Variants in KCNQ2 observed in about 807,000 individuals in gnomAD.
KCNQ2 encodes the protein potassium voltage-gated channel subfamily KQT member 2.
In KCNQ2, 14 loss-of-function variants were observed where a neutral mutation model predicts 84.8. The ratio of observed to expected loss-of-function variants is 0.17; its 90% CI spans 0.11 to 0.26. The LOEUF is 0.26. Among genes scored for constraint, KCNQ2 ranks in the 10% least tolerant of loss-of-function variants. KCNQ2 has a pLI of 1.00. For missense variants in KCNQ2, 788 were observed against 1,254.0 expected (o/e 0.63, Z 5.61); for synonymous variants, 599 against 554.1 (o/e 1.08, Z -1.14).
At chr20:63,423,780 T>G in intron 11 of KCNQ2, 1 of 252,546 alleles carries the variant, frequency 4.0e-6, no homozygotes, top group Non-Finnish European at 7.7e-6. Flanking sequence ...ACTTGGAGCT[T>G]TCACCCCAGC....
intron 1 of KCNQ2, chr20:63,447,282 C>A (rs2081459222): frequency 4.8e-6 from 1 of 208,930 alleles, no homozygotes; most frequent in Non-Finnish European, 9.8e-6. Flanking sequence ...CTTCCCCTCT[C>A]CTCACTCTCG....
intron 1 of KCNQ2, among the ~76,000 whole-genome samples, chr20:63,456,552 TCAGA>T (rs1438098612): frequency 6.6e-6 from 1 of 152,088 alleles, no homozygotes; most frequent in Non-Finnish European, 1.5e-5. Flanking sequence ...AGCCCCTGCC[TCAGA>T]CAGAGCCAGG....
intron 12 of KCNQ2, among the ~76,000 whole-genome samples, chr20:63,416,479 T>C (rs1358775724): frequency 6.6e-6 from 1 of 152,114 alleles, no homozygotes; most frequent in East Asian, 1.9e-4. Context: ...TTGAGGACAG[T>C]GGGGCTCTCA....
At chr20:63,411,272 C>T (rs1229122780) in intron 15 of KCNQ2, among the ~76,000 whole-genome samples, 1 of 152,214 alleles carries the variant, frequency 6.6e-6, no homozygotes, top group Non-Finnish European at 1.5e-5. Flanking sequence ...GATGCGGCTC[C>T]ACCTGCTCGG....
At position 63,408,253 on chromosome 20, in the gene KCNQ2, G is replaced by A; in HGVS notation, c.1887+160C>T. ...TGGGAGGCTCACGGTGGGGTGTGAG[G>A]GGTCTGCACAGAGCAGCTGTCAGTG... On this transcript the variant is annotated intron_variant, in intron 16 of 16. Transcript: ENST00000359125. The surrounding 1 kb of genome is among the most constrained non-coding windows in gnomAD (Gnocchi z 5.0). 1.1e-6 allele frequency: 1 copy of A among 913,662 alleles called. No individual in the cohort carries two copies. The highest frequency in any genetic ancestry group is 2.7e-5 in the East Asian group (1 of 37,086). 56.6% of individuals were successfully genotyped at this position (913,662 alleles called of 1,614,324 possible).
intron 10 of KCNQ2, among the ~76,000 whole-genome samples, chr20:63,427,895 G>A (rs2080678639): frequency 1.3e-5 from 2 of 152,194 alleles, no homozygotes; most frequent in African/African-American, 4.8e-5. Flanking sequence ...GGGCAGGCCT[G>A]GCAGGTGCAT....
At chr20:63,435,848 C>G (rs906330467) in intron 7 of KCNQ2, among the ~76,000 whole-genome samples, 8 of 151,906 alleles carry the variant, frequency 5.3e-5, no homozygotes, top group African/African-American at 1.9e-4. Context: ...CTTCCCTGCC[C>G]CTCCCTCTCC....
At position 63,438,586 on chromosome 20, in the gene KCNQ2, C is replaced by T. The variant is rs1466137826; in HGVS notation, c.1023+39G>A. 6.4e-7 allele frequency: 1 copy of T among 1,570,304 alleles called. No homozygotes were observed. Among genetic ancestry groups the T allele is most frequent in the East Asian group, 2.2e-5 (1 of 44,706 alleles). ...ACTCCTCAACAAGGTGGGACCAGGA[C>T]AAGGGCTGTGCTGGTCCCCGGGGGA... On this transcript the variant is annotated intron_variant, in intron 7 of 16. Transcript: ENST00000359125. The surrounding 1 kb of genome is among the most constrained non-coding windows in gnomAD (Gnocchi z 5.1).
chr20:63,446,311 C>G lies in KCNQ2; in HGVS notation c.387+436G>C. 3.7e-6 allele frequency: 1 copy of G among 269,994 alleles called. No homozygotes were observed. The highest frequency in any genetic ancestry group is 4.2e-5 in the South Asian group (1 of 23,922). The allele number at this position is 269,994 out of a possible 1,614,324, so 16.7% of individuals were successfully genotyped here. A position where few individuals can be genotyped will look rare whatever the true frequency, so the allele number is the denominator to read the frequency against. On this transcript the variant is annotated intron_variant, in intron 2 of 16. Transcript: ENST00000359125. The surrounding 1 kb of genome is among the most constrained non-coding windows in gnomAD (Gnocchi z 5.5). ...CCCCACCCCGTTACCAACAGCAACA[C>G]AGGAACTGCACTCCCGTTGCCATGG...
rs557549167 is a variant in KCNQ2, at chr20:63,408,689, C to T, written c.1764-153G>A. Among the ~76,000 whole-genome samples, 23 of 152,316 alleles carry T rather than the reference C, an allele frequency of 1.5e-4. No individual in the cohort carries two copies. The highest frequency in any genetic ancestry group is 5.5e-4 in the African/African-American group (23 of 41,562). Reference sequence around the variant, plus strand: ...GGCAGTGGGTGCCAGGACAGATGGACGGGGTGCGCCCCGTTCTCAGCCCGT... The same window carrying T: ...GGCAGTGGGTGCCAGGACAGATGGATGGGGTGCGCCCCGTTCTCAGCCCGT... On this transcript the variant is annotated intron_variant, in intron 15 of 16. Transcript: ENST00000359125. This position sits in a 1 kb window ranked among gnomAD's most constrained non-coding sequence, Gnocchi z 5.0.
chr20:63,415,267 G>A (rs969739623), intron 12 of KCNQ2, 141 bp from the exon 13 acceptor site: 19 of 783,636 alleles, frequency 2.4e-5, no homozygotes, highest in African/African-American at 1.5e-4. Context: ...CCAGCCACAC[G>A]GGTGGCTCAG....
rs773433015 is a variant in KCNQ2, at chr20:63,406,641, G to A, written c.*3C>T. 9.4e-6 allele frequency: 15 copies of A among 1,587,606 alleles called. No homozygotes were observed. The highest frequency in any genetic ancestry group is 8.6e-5 in the Admixed American group (5 of 58,450). ...CGGGCGGGTCCACTGGCCCAGCGCC[G>A]CCTCACTTCCTGGGCCCGGCCCAGC... On this transcript the variant is annotated 3_prime_UTR_variant, in exon 17 of 17. Coordinates refer to ENST00000359125, the MANE Select transcript of KCNQ2 (RefSeq NM_172107.4).
intron 4 of KCNQ2, 115 bp from the exon 5 acceptor site, chr20:63,442,646 ACC>A: frequency 1.2e-6 from 1 of 818,710 alleles, no homozygotes; most frequent in Non-Finnish European, 1.9e-6. Context: ...CACCACCAAA[ACC>A]ATCACCACCA....
chr20:63,432,700 TCTGGGAAGGCCCCACCCTCA>T (rs2080856618), intron 8 of KCNQ2, among the ~76,000 whole-genome samples: 2 of 108,474 alleles, frequency 1.8e-5, no homozygotes, highest in African/African-American at 3.4e-5. Flanking sequence ...GGCCCCACCC[TCTGGGAAGGCCCCACCCTCA>T]GGGAAGGCTC....
intron 1 of KCNQ2, among the ~76,000 whole-genome samples, chr20:63,466,250 C>G (rs886167240): frequency 5.3e-5 from 8 of 152,124 alleles, no homozygotes; most frequent in Non-Finnish European, 7.4e-5. Flanking sequence ...TTCCCACGCT[C>G]GAGCCCGGGC....
chr20:63,410,725 A>C (rs2080097165), intron 15 of KCNQ2, among the ~76,000 whole-genome samples: 1 of 152,244 alleles, frequency 6.6e-6, no homozygotes, highest in Non-Finnish European at 1.5e-5. Flanking sequence ...CCTCACAGGC[A>C]GAAACCCCAC....
intron 2 of KCNQ2, 94 bp from the exon 3 acceptor site, chr20:63,445,458 C>A (rs2081384867): frequency 1.4e-6 from 2 of 1,467,724 alleles, no homozygotes; most frequent in African/African-American, 1.4e-5. Flanking sequence ...GGCCCAGGGA[C>A]CAAGCCACAG....
At position 63,452,415 on chromosome 20, in the gene KCNQ2, C is replaced by T. The variant is rs6011836; in HGVS notation, c.297-5578G>A. On this transcript the variant is annotated intron_variant, in intron 1 of 16. Coordinates refer to ENST00000359125, the MANE Select transcript of KCNQ2 (RefSeq NM_172107.4). ...AAACCTCAGTCTTTGCTCTCAAGGC[C>T]TCAGCTGCTGGGACGACGCCCACCC... 7.3e-3 allele frequency among the ~76,000 whole-genome samples: 1,109 copies of T among 152,338 alleles called. 15 individuals are homozygous for T. The highest frequency in any genetic ancestry group is 0.026 in the African/African-American group (1,073 of 41,566).
rs533380598 is a variant in KCNQ2 at position 63,440,102 on chromosome 20, C to T, written c.817-394G>A. On this transcript the variant is annotated intron_variant, in intron 5 of 16. Transcript: ENST00000359125. ...GAACGGGCAGGGCGTGCAGGGGGCT[C>T]GCTGAGCCTGAGCTGAGCTGAGGCC... Among the ~76,000 whole-genome samples the T allele has an allele frequency of 3.0e-4, 45 of 152,254 alleles. No individual in the cohort carries two copies. The South Asian group carries it at 3.9e-3, about 13-fold the overall frequency.
Sources: allele counts gnomAD v4.1 joint callset (sites outside exome capture counted in the v4.1 genomes callset), GRCh38; gene constraint gnomAD v4.1.1; non-coding constraint Gnocchi (gnomAD v3.1); transcripts MANE v1.5; gene names NCBI Gene and HGNC (gene_info 2026-07-23, HGNC 2026-07-21).